UNC5D: variants seen among roughly 807,000 people sequenced by gnomAD.
The protein encoded by UNC5D is netrin receptor UNC5D.
A neutral mutation model predicts 105.4 loss-of-function variants in UNC5D; 39 were observed. The ratio of observed to expected loss-of-function variants is 0.37; its 90% confidence interval spans 0.29 to 0.48. The LOEUF is 0.48. Ranked by LOEUF, UNC5D falls within the 20% of genes least tolerant of loss-of-function variation. The pLI is 0.98. For synonymous variants in UNC5D, 452 were observed against 450.4 expected (o/e 1.00, Z -0.04); for missense variants, 991 against 1,202.4 (o/e 0.82, Z 2.60).
At chr8:35,476,662 G>A (rs1022288661) in intron 1 of UNC5D, among the ~76,000 whole-genome samples, 3 of 151,834 alleles carry the variant, frequency 2.0e-5, no homozygotes, top group African/African-American at 7.3e-5. Context: ...CCTTTATCTC[G>A]TACCCTGCCT....
At chr8:35,271,037 A>G (rs1027173569) in intron 1 of UNC5D, among the ~76,000 whole-genome samples, 7 of 151,710 alleles carry the variant, frequency 4.6e-5, no homozygotes, top group Non-Finnish European at 8.8e-5. Flanking sequence ...AAATATATAC[A>G]TGTCACAGTA....
rs56788274 is a variant in UNC5D, at chr8:35,555,875, GCACACACACACACACACACACA to G, written c.322+6394_322+6415del. The stretch of plus-strand genomic sequence containing the variant: ...AATTATAAAGATCTATAAAAAAACA[GCACACACACACACACACACACA>G]CACACACACACACACACACACACAC... On this transcript the variant is annotated intron_variant, in intron 2 of 16. Transcript: ENST00000404895. 4.4e-4 allele frequency among the ~76,000 whole-genome samples: 59 copies of G among 134,236 alleles called. 3 individuals carry two copies. The East Asian group carries it at 5.9e-3, about 13-fold the overall frequency. The allele number at this position is 134,236 out of a possible 152,430, so 88.1% of individuals were successfully genotyped here. A position where few individuals can be genotyped will look rare whatever the true frequency, so the allele number is the denominator to read the frequency against.
chr8:35,556,838 A>G (rs532276801), intron 2 of UNC5D, among the ~76,000 whole-genome samples: 3 of 152,318 alleles, frequency 2.0e-5, no homozygotes, highest in Admixed American at 2.0e-4. Context: ...CTAGGAATGC[A>G]TATCTTTGTG....
chr8:35,347,568 C>T (rs1373066247), intron 1 of UNC5D, among the ~76,000 whole-genome samples: 3 of 151,908 alleles, frequency 2.0e-5, no homozygotes, highest in Non-Finnish European at 4.4e-5. Flanking sequence ...ATACATTGAA[C>T]TGATTCTTGG....
chr8:35,720,661 T>A (rs764362926), intron 8 of UNC5D, among the ~76,000 whole-genome samples: 2 of 152,156 alleles, frequency 1.3e-5, no homozygotes, highest in Non-Finnish European at 2.9e-5. Context: ...GAGGCTGACG[T>A]TTATCAACTC....
At chr8:35,522,640 AAC>A (rs1037694914) in intron 1 of UNC5D, among the ~76,000 whole-genome samples, 9 of 152,194 alleles carry the variant, frequency 5.9e-5, no homozygotes, top group African/African-American at 1.9e-4. Flanking sequence ...GTGTTTCTAG[AAC>A]ACTAACCTCA....
chr8:35,746,512 G>C (rs1284735290), intron 11 of UNC5D, among the ~76,000 whole-genome samples: 1 of 152,116 alleles, frequency 6.6e-6, no homozygotes, highest in Non-Finnish European at 1.5e-5. Context: ...TACTCTGCAC[G>C]TAAGGAAATG....
At chr8:35,476,429 G>T (rs536192447) in intron 1 of UNC5D, among the ~76,000 whole-genome samples, 13 of 152,126 alleles carry the variant, frequency 8.5e-5, no homozygotes, top group Non-Finnish European at 1.8e-4. Flanking sequence ...AATATTTGAT[G>T]AATCTCTTTC....
rs1431906372 is a variant in UNC5D, at chr8:35,668,695, AAAAGTTAACAGAGT to A, written c.571-14850_571-14837del. ...TGGAGAAGTTTTAGTGAATATTGAG[AAAAGTTAACAGAGT>A]AGGAAAGTATAGTTTATTGTTATAA... On this transcript the variant is annotated intron_variant, in intron 4 of 16. Coordinates refer to ENST00000404895, the MANE Select transcript of UNC5D (RefSeq NM_080872.4). Among the ~76,000 whole-genome samples the A allele has an allele frequency of 3.9e-5, 6 of 152,234 alleles. No homozygotes were observed. The East Asian group carries it at 1.2e-3, about 29-fold the overall frequency.
chr8:35,417,855 G>A (rs1318576937), intron 1 of UNC5D, among the ~76,000 whole-genome samples: 1 of 152,108 alleles, frequency 6.6e-6, no homozygotes, highest in African/African-American at 2.4e-5. Flanking sequence ...TAATCATTAT[G>A]CCAGATACAC....
At chr8:35,535,163 C>T (rs535073392) in intron 1 of UNC5D, among the ~76,000 whole-genome samples, 219 of 152,244 alleles carry the variant, frequency 1.4e-3, no homozygotes, top group African/African-American at 5.0e-3. Context: ...AAGCTATCAA[C>T]CTATTGATGA....
At chr8:35,557,076 C>G (rs1816605382) in intron 2 of UNC5D, among the ~76,000 whole-genome samples, 1 of 152,188 alleles carries the variant, frequency 6.6e-6, no homozygotes, top group Admixed American at 6.5e-5. Context: ...TGTTGCCCAC[C>G]ATGTTGTGAG....
At chr8:35,538,130 G>A (rs2130607273) in intron 1 of UNC5D, among the ~76,000 whole-genome samples, 1 of 152,030 alleles carries the variant, frequency 6.6e-6, no homozygotes, top group South Asian at 2.1e-4. Context: ...GGGGGACTCT[G>A]GTAGGCTTAC....
intron 1 of UNC5D, among the ~76,000 whole-genome samples, chr8:35,258,542 G>C (rs1443076166): frequency 3.3e-5 from 5 of 152,086 alleles, no homozygotes; most frequent in African/African-American, 9.7e-5. Context: ...GTAAAATGGG[G>C]ATAAATAATA....
At chr8:35,538,785 A>G (rs1206672374) in intron 1 of UNC5D, among the ~76,000 whole-genome samples, 1 of 152,100 alleles carries the variant, frequency 6.6e-6, no homozygotes, top group Non-Finnish European at 1.5e-5. Flanking sequence ...CCTGGTGAAT[A>G]CTAGAGCTAT....
chr8:35,754,476 C>T (rs1185780265), intron 13 of UNC5D, among the ~76,000 whole-genome samples: 4 of 152,134 alleles, frequency 2.6e-5, no homozygotes, highest in Admixed American at 6.5e-5. Context: ...GGGTTAAGTG[C>T]GGGGTTGCAT....
chr8:35,583,704 C>T (rs1818598531), intron 3 of UNC5D, among the ~76,000 whole-genome samples: 1 of 152,080 alleles, frequency 6.6e-6, no homozygotes, highest in African/African-American at 2.4e-5. Flanking sequence ...GGTTTAATGC[C>T]TTGAAAACAA....
intron 4 of UNC5D, among the ~76,000 whole-genome samples, chr8:35,609,482 A>C (rs898705025): frequency 4.6e-5 from 7 of 152,218 alleles, no homozygotes; most frequent in Non-Finnish European, 8.8e-5. Context: ...GAAATTCTAA[A>C]GTTGGAGAAG....
chr8:35,320,247 A>AT (rs1305466964), intron 1 of UNC5D, among the ~76,000 whole-genome samples: 1 of 152,062 alleles, frequency 6.6e-6, no homozygotes, highest in Non-Finnish European at 1.5e-5. Flanking sequence ...TGGTTCAAAG[A>AT]TTTTTGGATG....
Sources: gnomAD v4.1 joint callset for allele counts (sites outside exome capture counted in the v4.1 genomes callset) on GRCh38, gnomAD v4.1.1 for gene constraint, MANE v1.5 for transcripts, NCBI Gene and HGNC (gene_info 2026-07-23, HGNC 2026-07-21) for gene names.